The following NHERF4 variants were observed in gnomAD, a reference collection of about 807,000 sequenced individuals.
NHERF4 encodes the protein Na(+)/H(+) exchange regulatory cofactor NHE-RF4.
chr11:119,185,628 G>C, the NHERF4 span: 1 of 989,694 alleles, frequency 1.0e-6, no homozygotes, highest in Non-Finnish European at 1.6e-6. Flanking sequence ...CCCTGAGGCA[G>C]GTAAACAAGT....
At chr11:119,189,017 G>A in the NHERF4 span, 1 of 1,614,134 alleles carries the variant, frequency 6.2e-7, no homozygotes, top group Non-Finnish European at 8.5e-7. This position sits in a 1 kb window ranked among gnomAD's most constrained non-coding sequence, Gnocchi z 5.8. Flanking sequence ...GACTCCAGGA[G>A]GCTCAGCTGC....
At chr11:119,187,680 CA>C in the NHERF4 span, 3 of 1,524,624 alleles carry the variant, frequency 2.0e-6, no homozygotes, top group Admixed American at 2.3e-5. Flanking sequence ...GAAGTTCACT[CA>C]CAACCAACTC....
chr11:119,185,618 C>T, the NHERF4 span: 1 of 1,098,782 alleles, frequency 9.1e-7, no homozygotes, highest in South Asian at 1.3e-5. Context: ...GGGCTTGGAG[C>T]CCTGAGGCAG....
chr11:119,187,397 T>C, the NHERF4 span: 1 of 1,613,920 alleles, frequency 6.2e-7, no homozygotes, highest in African/African-American at 1.3e-5. Context: ...GGCCCAGGGG[T>C]CCGGCCCCGG....
At chr11:119,189,970 T>C in the NHERF4 span, 1 of 351,356 alleles carries the variant, frequency 2.8e-6, no homozygotes, top group Non-Finnish European at 5.2e-6. This position sits in a 1 kb window ranked among gnomAD's most constrained non-coding sequence, Gnocchi z 5.8. Context: ...TGTGTTTGTG[T>C]TGGTGGGGGT....
the NHERF4 span, chr11:119,189,662 A>C: frequency 5.5e-6 from 4 of 731,054 alleles, no homozygotes; most frequent in Non-Finnish European, 9.5e-6. The surrounding 1 kb of genome is among the most constrained non-coding windows in gnomAD (Gnocchi z 5.8). Context: ...ACCTGCCAGC[A>C]GAGGGTGTGG....
the NHERF4 span, chr11:119,185,822 T>C: frequency 3.3e-6 from 5 of 1,505,470 alleles, no homozygotes; most frequent in Non-Finnish European, 3.7e-6. Context: ...ATGCCCTGAG[T>C]TTGGGGGTTT....
chr11:119,187,624 T>C, the NHERF4 span: 1 of 1,576,544 alleles, frequency 6.3e-7, no homozygotes, highest in South Asian at 1.2e-5. Context: ...CGGGCAGGGG[T>C]GCCCCCCGGG....
chr11:119,187,211 G>A, the NHERF4 span: 3 of 1,384,260 alleles, frequency 2.2e-6, no homozygotes, highest in East Asian at 7.9e-5. Flanking sequence ...TTCCAGGGAG[G>A]TCCTGGGGGT....
chr11:119,187,179 T>G, the NHERF4 span: 1 of 1,035,940 alleles, frequency 9.7e-7, no homozygotes, highest in East Asian at 2.9e-5. Context: ...AAAAGCCGAT[T>G]CCCTTGGCAA....
chr11:119,188,466 A>G, the NHERF4 span: 15 of 1,611,820 alleles, frequency 9.3e-6, no homozygotes, highest in Admixed American at 2.5e-4. Flanking sequence ...CTGGGCCATG[A>G]GGAGACAGTG....
the NHERF4 span, chr11:119,188,763 G>A: frequency 1.2e-6 from 2 of 1,614,216 alleles, no homozygotes; most frequent in South Asian, 2.2e-5. Flanking sequence ...CGTGCCTTCT[G>A]TCCCTCTTGG....
At chr11:119,186,480 T>A in the NHERF4 span, 6 of 1,613,970 alleles carry the variant, frequency 3.7e-6, no homozygotes, top group Non-Finnish European at 5.1e-6. This position sits in a 1 kb window ranked among gnomAD's most constrained non-coding sequence, Gnocchi z 4.4. Flanking sequence ...ACCCTCCAGA[T>A]CCCTGGAGCC....
the NHERF4 span, chr11:119,185,833 C>T: frequency 1.9e-6 from 3 of 1,569,536 alleles, no homozygotes; most frequent in South Asian, 2.2e-5. Context: ...TTGGGGGTTT[C>T]CCTGAGTCCT....
the NHERF4 span, chr11:119,186,547 C>T: frequency 6.2e-7 from 1 of 1,614,200 alleles, no homozygotes; most frequent in Non-Finnish European, 8.5e-7. The surrounding 1 kb of genome is among the most constrained non-coding windows in gnomAD (Gnocchi z 4.4). Flanking sequence ...TTTTGGCTTC[C>T]ACCTGCAGCA....
At chr11:119,186,474 T>A in the NHERF4 span, 2 of 1,613,988 alleles carry the variant, frequency 1.2e-6, no homozygotes. This position sits in a 1 kb window ranked among gnomAD's most constrained non-coding sequence, Gnocchi z 4.4. Context: ...CACCTCACCC[T>A]CCAGATCCCT....
At chr11:119,188,761 C>T in the NHERF4 span, 1 of 1,614,236 alleles carries the variant, frequency 6.2e-7, no homozygotes, top group Non-Finnish European at 8.5e-7. Context: ...AGCGTGCCTT[C>T]TGTCCCTCTT....
chr11:119,188,459 G>A, the NHERF4 span: 1 of 1,612,736 alleles, frequency 6.2e-7, no homozygotes, highest in Non-Finnish European at 8.5e-7. Flanking sequence ...GGAGGGGCTG[G>A]GCCATGAGGA....
At chr11:119,187,895 C>T in the NHERF4 span, 2 of 1,491,884 alleles carry the variant, frequency 1.3e-6, no homozygotes, top group Admixed American at 2.3e-5. Flanking sequence ...TACCTCTTCT[C>T]TCCCTGCCCA....
Sources: gnomAD v4.1 joint callset for allele counts on GRCh38, gnomAD v4.1.1 for gene constraint, Gnocchi (gnomAD v3.1) non-coding constraint, MANE v1.5 for transcripts, NCBI Gene and HGNC (gene_info 2026-07-23, HGNC 2026-07-21) for gene names.